Variants in SLC35A3 observed in about 807,000 individuals in gnomAD.
SLC35A3 encodes UDP-N-acetylglucosamine transporter.
Under a neutral mutation model 39.0 loss-of-function variants are expected in SLC35A3, and 26 were observed. The ratio of observed to expected loss-of-function variants is 0.67; its 90% confidence interval spans 0.49 to 0.92. The LOEUF (loss-of-function observed/expected upper bound fraction) is 0.92, where lower values mean the gene tolerates loss of function less well. Ranked by LOEUF, SLC35A3 falls within the 40% of genes least tolerant of loss-of-function variation. The probability of loss-of-function intolerance (pLI) is 0.00; values close to 1 mark genes in which losing one functional copy is unlikely to be tolerated. For synonymous variants in SLC35A3, 135 were observed against 133.1 expected (o/e 1.01, Z -0.10); for missense variants, 299 against 371.6 (o/e 0.80, Z 1.61).
At chr1:99,992,256 C>T (rs1166944018) in intron 1 of SLC35A3, among the ~76,000 whole-genome samples, 2 of 152,116 alleles carry the variant, frequency 1.3e-5, no homozygotes, top group East Asian at 1.9e-4. Context: ...TTATTAGGCA[C>T]ATATGTGTTT....
intron 1 of SLC35A3, among the ~76,000 whole-genome samples, chr1:99,976,378 T>G (rs1241894783): frequency 6.6e-6 from 1 of 152,222 alleles, no homozygotes; most frequent in Admixed American, 6.5e-5. Flanking sequence ...GATTCGAATA[T>G]TGGAATCTTG....
Position 100,011,484 on chromosome 1 carries a change from A to G in SLC35A3, c.585A>G (p.Lys195=), listed in dbSNP as rs747139028. 3.8e-6 allele frequency: 6 copies of G among 1,569,070 alleles called. No individual in the cohort carries two copies. Among genetic ancestry groups the G allele is most frequent in the Non-Finnish European group, 4.4e-6 (5 of 1,148,776 alleles). ...GCTTTGCTGGGGTTTACTTTGAGAA[A>G]ATCTTAAAAGAAACAAAACAATCAG... ...SSGFAGVYFE[K]ILKETKQSVW... is the part of the protein sequence containing the mutation. The change falls in exon 5 of 8, where the codon AAA becomes AAG. Residue 195 remains lysine, a synonymous_variant. Transcript: ENST00000533028.
At chr1:99,987,886 GAATT>G (rs1322946984) in intron 1 of SLC35A3, among the ~76,000 whole-genome samples, 1 of 152,122 alleles carries the variant, frequency 6.6e-6, no homozygotes. Flanking sequence ...AATGTCCTTA[GAATT>G]AATCCAAATA....
intron 4 of SLC35A3, among the ~76,000 whole-genome samples, chr1:100,010,415 G>C (rs947975902): frequency 6.6e-6 from 1 of 152,068 alleles, no homozygotes; most frequent in Non-Finnish European, 1.5e-5. Flanking sequence ...CAGCTAGTTT[G>C]GGCATGGTGG....
Position 100,015,408 on chromosome 1 carries a change from A to G in SLC35A3, c.741A>G (p.Val247=). The G allele has an allele frequency of 3.1e-6, 5 of 1,605,470 alleles. No homozygotes were observed. The highest frequency in any genetic ancestry group is 4.2e-6 in the Non-Finnish European group (5 of 1,177,584). The change falls in exon 6 of 8, where the codon GTA becomes GTG. Residue 247 remains valine (V), a synonymous_variant. Transcript: ENST00000533028. ...FQGYNRLTWI[V]VVLQALGGLV... is the part of the protein sequence containing the mutation. ...GATATAACCGACTGACCTGGATAGT[A>G]GTTGTTCTTCAGGTAAAGCATTTAA...
chr1:99,991,770 G>A (rs534859717), intron 1 of SLC35A3, among the ~76,000 whole-genome samples: 8 of 152,008 alleles, frequency 5.3e-5, no homozygotes, highest in Admixed American at 5.2e-4. Context: ...TTTTTTTGGA[G>A]ACGTAGTCTT....
intron 3 of SLC35A3, among the ~76,000 whole-genome samples, chr1:100,002,813 T>C (rs548724963): frequency 6.6e-6 from 1 of 151,902 alleles, no homozygotes; most frequent in East Asian, 1.9e-4. Context: ...CAGGGTCTTT[T>C]TATGTTGCCC....
intron 1 of SLC35A3, among the ~76,000 whole-genome samples, chr1:99,988,305 AT>A (rs775997590): frequency 2.7e-5 from 4 of 150,804 alleles, no homozygotes; most frequent in African/African-American, 4.9e-5. Flanking sequence ...GTTTTGTTTA[AT>A]TTTTTTTTGC....
At chr1:99,979,262 C>G (rs956407159) in intron 1 of SLC35A3, among the ~76,000 whole-genome samples, 6 of 152,130 alleles carry the variant, frequency 3.9e-5, no homozygotes, top group African/African-American at 9.7e-5. Context: ...CATCTGGTTG[C>G]TCTGGGAGAG....
Position 99,999,040 on chromosome 1 carries a change from A to C in SLC35A3, c.188-221A>C, listed in dbSNP as rs182539008. Among the ~76,000 whole-genome samples the C allele has an allele frequency of 2.0e-5, 3 of 152,294 alleles. No individual in the cohort carries two copies. The East Asian group carries it at 5.8e-4, about 29-fold the overall frequency. ...ATATATGTAGATATACATAAGATACATTTGATTATATATCAGAATAAAAGA... is the reference window on the plus strand; with the variant it reads ...ATATATGTAGATATACATAAGATACCTTTGATTATATATCAGAATAAAAGA... On this transcript the variant is annotated intron_variant, in intron 2 of 7. Coordinates refer to ENST00000533028, the MANE Select transcript of SLC35A3 (RefSeq NM_012243.3).
chr1:100,018,584 C>T (rs1037745876), intron 7 of SLC35A3, among the ~76,000 whole-genome samples: 3 of 152,066 alleles, frequency 2.0e-5, no homozygotes, highest in African/African-American at 7.2e-5. Flanking sequence ...GGTTGCAGTG[C>T]AGTGGCGTGA....
In SLC35A3 at chr1:100,033,420, ATAAG is replaced by A. The variant is rs1467255194; in HGVS notation, c.*10948_*10951del. On this transcript the variant is annotated 3_prime_UTR_variant, in exon 8 of 8. Transcript: ENST00000533028. Reference sequence around the variant, plus strand: ...TATAAGTAATTATTATCCATCTCTTATAAGTAATTATTATAAGTATTTTCTTAGT... The same window carrying A: ...TATAAGTAATTATTATCCATCTCTTATAATTATTATAAGTATTTTCTTAGT... 3.3e-5 allele frequency: 5 copies of A among 150,798 alleles called. No homozygotes were observed. Among genetic ancestry groups the A allele is most frequent in the African/African-American group, 1.2e-4 (5 of 41,118 alleles). The allele number at this position is 150,798 out of a possible 1,614,324, so 9.3% of individuals were successfully genotyped here.
chr1:100,012,779 A>T (rs955352528), intron 5 of SLC35A3, among the ~76,000 whole-genome samples: 1 of 152,236 alleles, frequency 6.6e-6, no homozygotes, highest in Non-Finnish European at 1.5e-5. Flanking sequence ...ATAGATGTCC[A>T]GGATTATTGT....
chr1:100,033,914 T>C lies in SLC35A3; in HGVS notation c.*11438T>C, dbSNP rs143502091. The C allele has an allele frequency of 7.1e-4, 108 of 152,320 alleles. 1 individual carries two copies. The highest frequency in any genetic ancestry group is 2.5e-3 in the African/African-American group (105 of 41,576). 9.4% of individuals were successfully genotyped at this position (152,320 alleles called of 1,614,324 possible). On this transcript the variant is annotated 3_prime_UTR_variant, in exon 8 of 8. Transcript: ENST00000533028. ...CTTTTGGCTGGATGAAGCTCTTCTGTAGAGTATTCAAGGAGGGCTTGTAAG... is the reference window on the plus strand; with the variant it reads ...CTTTTGGCTGGATGAAGCTCTTCTGCAGAGTATTCAAGGAGGGCTTGTAAG...
At chr1:99,997,645 T>G (rs1658502274) in intron 2 of SLC35A3, among the ~76,000 whole-genome samples, 1 of 150,516 alleles carries the variant, frequency 6.6e-6, no homozygotes, top group Non-Finnish European at 1.5e-5. Flanking sequence ...GTTATTCTAC[T>G]CTAATGCAGT....
chr1:99,989,689 G>C (rs948022535), intron 1 of SLC35A3, among the ~76,000 whole-genome samples: 12 of 152,264 alleles, frequency 7.9e-5, no homozygotes, highest in African/African-American at 2.9e-4. Flanking sequence ...TACATGTATT[G>C]AGAATATTTT....
At position 100,006,946 on chromosome 1, in the gene SLC35A3, A is replaced by C. The variant is rs569775172; in HGVS notation, c.343-88A>C. Reference sequence around the variant, plus strand: ...ATGCAACCACCAGGCATGCTGCCATAGTCCTTAAAATACATTTCTAATAGT... The same window carrying C: ...ATGCAACCACCAGGCATGCTGCCATCGTCCTTAAAATACATTTCTAATAGT... On this transcript the variant is annotated intron_variant, in intron 3 of 7. Coordinates refer to ENST00000533028, the MANE Select transcript of SLC35A3 (RefSeq NM_012243.3). The C allele has an allele frequency of 3.1e-5, 43 of 1,409,156 alleles. No homozygotes were observed. The South Asian group carries it at 6.0e-4, about 20-fold the overall frequency. 87.3% of individuals were successfully genotyped at this position (1,409,156 alleles called of 1,614,324 possible). A position where few individuals can be genotyped will look rare whatever the true frequency, so the allele number is the denominator to read the frequency against.
At chr1:100,022,282 AT>A in intron 7 of SLC35A3, 103 bp from the exon 8 acceptor site, 6 of 606,252 alleles carry the variant, frequency 9.9e-6, no homozygotes, top group Non-Finnish European at 1.7e-5. Context: ...TTACTGGAAC[AT>A]TTTTCCCCAC....
intron 2 of SLC35A3, among the ~76,000 whole-genome samples, chr1:99,997,265 C>T (rs1658451983): frequency 6.6e-6 from 1 of 151,464 alleles, no homozygotes; most frequent in African/African-American, 2.4e-5. Flanking sequence ...CTGCTGTTTC[C>T]TCTCCTTTTT....
Sources: allele counts gnomAD v4.1 joint callset (sites outside exome capture counted in the v4.1 genomes callset), GRCh38; gene constraint gnomAD v4.1.1; transcripts MANE v1.5; gene names NCBI Gene and HGNC (gene_info 2026-07-23, HGNC 2026-07-21).